AIG1: variants seen among roughly 807,000 people sequenced by gnomAD.
AIG1 encodes androgen-induced gene 1 protein.
Under a neutral mutation model 31.4 loss-of-function variants are expected in AIG1, and 23 were observed. The observed-to-expected ratio is 0.73, with a 90% CI of 0.53 to 1.04. AIG1 has a LOEUF of 1.04. Among genes scored for constraint, AIG1 ranks in the 50% least tolerant of loss-of-function variants. AIG1 has a pLI of 0.00. For missense variants in AIG1, 274 were observed against 295.0 expected (o/e 0.93, Z 0.52); for synonymous variants, 100 against 110.5 (o/e 0.90, Z 0.60).
intron 3 of AIG1, among the ~76,000 whole-genome samples, chr6:143,221,175 T>G (rs1792485648): frequency 6.6e-6 from 1 of 152,206 alleles, no homozygotes; most frequent in African/African-American, 2.4e-5. Context: ...AGCACACTCT[T>G]ATTAAGGAAA....
At position 143,330,699 on chromosome 6, in the gene AIG1, C is replaced by T. The variant is rs937733208; in HGVS notation, c.516-2583C>T. ...CCATCCGACTGCTCCAGTGCAAACA[C>T]CCTGTAGCACAGACTGATTAAAATT... is the stretch of plus-strand genomic sequence containing the variant. On this transcript the variant is annotated intron_variant, in intron 4 of 5. Transcript: ENST00000357847. This position sits in a 1 kb window ranked among gnomAD's most constrained non-coding sequence, Gnocchi z 4.4. Among the ~76,000 whole-genome samples, 3 of 152,130 alleles carry T rather than the reference C, an allele frequency of 2.0e-5. No individual in the cohort carries two copies. Among genetic ancestry groups the T allele is most frequent in the Admixed American group, 6.5e-5 (1 of 15,276 alleles).
At chr6:143,095,177 A>T (rs957547171) in intron 1 of AIG1, among the ~76,000 whole-genome samples, 2 of 152,204 alleles carry the variant, frequency 1.3e-5, no homozygotes, top group Non-Finnish European at 2.9e-5. Context: ...AAGAAAAGGA[A>T]AAAGAAAATA....
rs533569486 is a variant in AIG1 at position 143,297,337 on chromosome 6, C to T, written c.515+13112C>T. ...GACCCATTGACATTTTGCCCTCCTCCTGTCACTGCAATATATATTCCACCT... is the reference window on the plus strand; with the variant it reads ...GACCCATTGACATTTTGCCCTCCTCTTGTCACTGCAATATATATTCCACCT... On this transcript the variant is annotated intron_variant, in intron 4 of 5. Transcript: ENST00000357847. The surrounding 1 kb of genome is among the most constrained non-coding windows in gnomAD (Gnocchi z 5.1). 2.6e-5 allele frequency among the ~76,000 whole-genome samples: 4 copies of T among 152,340 alleles called. No individual in the cohort carries two copies. The South Asian group carries it at 6.2e-4, about 24-fold the overall frequency.
At position 143,280,409 on chromosome 6, in the gene AIG1, G is replaced by A. The variant is rs1263094923; in HGVS notation, c.400-3701G>A. On this transcript the variant is annotated intron_variant, in intron 3 of 5. Transcript: ENST00000357847. This position sits in a 1 kb window ranked among gnomAD's most constrained non-coding sequence, Gnocchi z 4.1. ...AGAATAGAAATCATTCTACCATAAA[G>A]ATATATGTGCACAAATGTTCATTGC... 6.6e-6 allele frequency among the ~76,000 whole-genome samples: 1 copy of A among 152,142 alleles called. No individual in the cohort carries two copies. The highest frequency in any genetic ancestry group is 1.5e-5 in the Non-Finnish European group (1 of 68,032).
chr6:143,236,208 C>T (rs937967739), intron 3 of AIG1, among the ~76,000 whole-genome samples: 8 of 152,210 alleles, frequency 5.3e-5, no homozygotes, highest in Admixed American at 2.0e-4. Context: ...ATGAGTTGAG[C>T]GCATACGGCT....
intron 2 of AIG1, among the ~76,000 whole-genome samples, chr6:143,146,534 C>A (rs1430330414): frequency 1.3e-5 from 2 of 151,766 alleles, no homozygotes; most frequent in Non-Finnish European, 2.9e-5. Flanking sequence ...CTCTCTCTGC[C>A]TCACCCTCTT....
At chr6:143,127,761 C>T (rs942902300) in intron 1 of AIG1, among the ~76,000 whole-genome samples, 25 of 151,938 alleles carry the variant, frequency 1.6e-4, no homozygotes, top group Admixed American at 1.2e-3. Flanking sequence ...AATCTTGGCT[C>T]ACTACAGCCT....
chr6:143,154,570 A>G (rs1178514696), intron 2 of AIG1, among the ~76,000 whole-genome samples: 2 of 152,168 alleles, frequency 1.3e-5, no homozygotes, highest in African/African-American at 4.8e-5. Flanking sequence ...ATAACAGAAT[A>G]CTTCTGTATC....
chr6:143,237,050 C>T (rs1431665809), intron 3 of AIG1, among the ~76,000 whole-genome samples: 6 of 152,272 alleles, frequency 3.9e-5, no homozygotes, highest in South Asian at 2.1e-4. Flanking sequence ...AGTATGCTAC[C>T]GGTAAGCAAG....
intron 3 of AIG1, among the ~76,000 whole-genome samples, chr6:143,234,279 A>G (rs1793657479): frequency 6.6e-6 from 1 of 152,238 alleles, no homozygotes; most frequent in East Asian, 1.9e-4. Context: ...CTCTTGTTAC[A>G]CAAACACACA....
At position 143,328,614 on chromosome 6, in the gene AIG1, A is replaced by C. The variant is rs997632304; in HGVS notation, c.516-4668A>C. ...CTGCCTCATTTACTTTTTTTCATCG[A>C]TGCATTATAGATGTACACAGTTTCA... On this transcript the variant is annotated intron_variant, in intron 4 of 5. Transcript: ENST00000357847. The surrounding 1 kb of genome is among the most constrained non-coding windows in gnomAD (Gnocchi z 4.0). Among the ~76,000 whole-genome samples the C allele has an allele frequency of 6.6e-6, 1 of 152,148 alleles. No individual in the cohort carries two copies. Among genetic ancestry groups the C allele is most frequent in the African/African-American group, 2.4e-5 (1 of 41,448 alleles).
chr6:143,092,527 C>G (rs186384358), intron 1 of AIG1, among the ~76,000 whole-genome samples: 1 of 152,282 alleles, frequency 6.6e-6, no homozygotes, highest in African/African-American at 2.4e-5. Flanking sequence ...TCCTTTACAT[C>G]TGCATCAAAG....
chr6:143,260,672 C>A (rs962227653), intron 3 of AIG1, among the ~76,000 whole-genome samples: 3 of 152,190 alleles, frequency 2.0e-5, no homozygotes, highest in African/African-American at 7.2e-5. Context: ...GCCTGGTTTA[C>A]TTCAGCACCA....
At chr6:143,249,815 G>A (rs1375540264) in intron 3 of AIG1, among the ~76,000 whole-genome samples, 1 of 152,150 alleles carries the variant, frequency 6.6e-6, no homozygotes, top group Admixed American at 6.5e-5. Flanking sequence ...GAAAGAATGT[G>A]ATTGGGGTCA....
intron 1 of AIG1, among the ~76,000 whole-genome samples, chr6:143,134,093 C>T (rs1783510600): frequency 6.6e-6 from 1 of 152,028 alleles, no homozygotes; most frequent in Non-Finnish European, 1.5e-5. Flanking sequence ...AAAAACCACT[C>T]TCTTTAAACT....
intron 1 of AIG1, among the ~76,000 whole-genome samples, chr6:143,105,875 A>G (rs1398542314): frequency 1.3e-5 from 2 of 152,248 alleles, no homozygotes; most frequent in Non-Finnish European, 2.9e-5. Context: ...AATGGATGGT[A>G]GGAATGGAGG....
At chr6:143,113,058 C>T (rs896116649) in intron 1 of AIG1, among the ~76,000 whole-genome samples, 11 of 151,644 alleles carry the variant, frequency 7.3e-5, no homozygotes, top group Admixed American at 5.9e-4. Context: ...CATGGTGGCT[C>T]ACGTCTGAGA....
intron 3 of AIG1, among the ~76,000 whole-genome samples, chr6:143,263,979 T>C (rs1795981284): frequency 6.6e-6 from 1 of 152,230 alleles, no homozygotes; most frequent in African/African-American, 2.4e-5. Flanking sequence ...ACTATAGTCC[T>C]TGTTAGTAGG....
intron 4 of AIG1, among the ~76,000 whole-genome samples, chr6:143,324,617 C>T (rs1562594328): frequency 6.6e-6 from 1 of 152,284 alleles, no homozygotes; most frequent in East Asian, 1.9e-4. Context: ...GCCTCAGTGT[C>T]CTTATCTGTA....
Sources: allele counts gnomAD v4.1 joint callset (sites outside exome capture counted in the v4.1 genomes callset), GRCh38; gene constraint gnomAD v4.1.1; non-coding constraint Gnocchi (gnomAD v3.1); transcripts MANE v1.5; gene names NCBI Gene and HGNC (gene_info 2026-07-23, HGNC 2026-07-21).